The following GLI2 variants were observed in gnomAD, a reference collection of about 807,000 sequenced individuals.
GLI2 encodes the protein GLI family zinc finger 2, also known as transcription activator GLI2.
Under a neutral mutation model 78.9 loss-of-function variants are expected in GLI2, and 22 were observed. The ratio of observed to expected loss-of-function variants is 0.28; its 90% CI spans 0.20 to 0.40. GLI2 has a LOEUF of 0.40. Among genes scored for constraint, GLI2 ranks in the 10% least tolerant of loss-of-function variants. The pLI, the probability that GLI2 is intolerant of heterozygous loss-of-function variation, is 1.00. For missense variants in GLI2, 2,097 were observed against 2,213.2 expected, an observed-to-expected ratio of 0.95 and a Z score of 1.05; for synonymous variants, 974 against 963.7, an observed-to-expected ratio of 1.01 and a Z score of -0.20.
chr2:120,947,408 T>C (rs888553259), intron 3 of GLI2, among the ~76,000 whole-genome samples: 11 of 152,216 alleles, frequency 7.2e-5, no homozygotes, highest in African/African-American at 2.7e-4. Context: ...GCCCCACCGA[T>C]GGCTGGCACA....
At chr2:120,939,079 C>T (rs1408590467) in intron 3 of GLI2, among the ~76,000 whole-genome samples, 1 of 152,126 alleles carries the variant, frequency 6.6e-6, no homozygotes, top group Admixed American at 6.5e-5. Context: ...GTCGGAAGTT[C>T]GAGACCAGCC....
intron 2 of GLI2, among the ~76,000 whole-genome samples, chr2:120,823,988 G>T (rs1042656429): frequency 6.6e-6 from 1 of 152,198 alleles, no homozygotes; most frequent in Non-Finnish European, 1.5e-5. Flanking sequence ...CATAAAGGCA[G>T]TTCATTAATT....
intron 2 of GLI2, among the ~76,000 whole-genome samples, chr2:120,920,051 C>T (rs569347938): frequency 5.3e-5 from 8 of 152,356 alleles, no homozygotes; most frequent in Non-Finnish European, 1.0e-4. Flanking sequence ...TGGTCCAGGC[C>T]GGCCTGGTGC....
At chr2:120,933,871 G>GCCCTGCCCTGC (rs1379876689) in intron 3 of GLI2, among the ~76,000 whole-genome samples, 2 of 148,486 alleles carry the variant, frequency 1.3e-5, no homozygotes, top group Non-Finnish European at 3.0e-5. Flanking sequence ...GCCCTGCCCT[G>GCCCTGCCCTGC]CCCTGCCCTG....
At chr2:120,943,204 C>A (rs1001158613) in intron 3 of GLI2, among the ~76,000 whole-genome samples, 4 of 152,182 alleles carry the variant, frequency 2.6e-5, no homozygotes, top group African/African-American at 9.6e-5. Flanking sequence ...GGATCCTGAC[C>A]TTGACCTGGG....
chr2:120,821,998 C>T (rs775664847), intron 2 of GLI2, among the ~76,000 whole-genome samples: 1 of 152,228 alleles, frequency 6.6e-6, no homozygotes. Flanking sequence ...GTCAACTGGC[C>T]TTTGCTGTGT....
rs908599831 is a variant in GLI2, at chr2:120,988,592, A to T, written c.2627A>T (p.Tyr876Phe). The part of the protein sequence containing the change: ...PAQQYSLRAK[Y>F]AAATGGPPPT... ...CAGCAGTACAGCCTGCGGGCCAAGT[A>T]CGCGGCAGCCACTGGCGGCCCCCCG... Residue 876 changes from tyrosine to phenylalanine, a missense_variant, in exon 14 of 14, where the codon TAC becomes TTC. Tyr to Phe is a conservative substitution (Grantham distance 22). This residue lies in a region of GLI2 where 1,290 missense variants were observed against 1,261.7 expected (regional missense o/e 1.02). Coordinates refer to ENST00000361492, the MANE Select transcript of GLI2 (RefSeq NM_001374353.1). 1.1e-5 allele frequency: 16 copies of T among 1,486,686 alleles called. No homozygotes were observed. In the African/African-American group the frequency reaches 1.5e-4, roughly 14 times the overall value. The allele number at this position is 1,486,686 out of a possible 1,614,324, so 92.1% of individuals were successfully genotyped here. A position where few individuals can be genotyped will look rare whatever the true frequency, so the allele number is the denominator to read the frequency against.
chr2:120,807,326 G>T (rs73949908), intron 2 of GLI2, among the ~76,000 whole-genome samples: 1 of 152,094 alleles, frequency 6.6e-6, no homozygotes, highest in African/African-American at 2.4e-5. Context: ...GCCAAAATGC[G>T]TATCTTTGGA....
At position 120,989,541 on chromosome 2, in the gene GLI2, C is replaced by T. The variant is rs757358215; in HGVS notation, c.3576C>T (p.Ser1192=). 21 of 1,612,364 alleles carry T rather than the reference C, an allele frequency of 1.3e-5. No individual in the cohort carries two copies. The highest frequency in any genetic ancestry group is 1.6e-4 in the Middle Eastern group (1 of 6,082). Residue 1192 remains serine (S), a synonymous_variant, in exon 14 of 14, where the codon AGC becomes AGT. Transcript: ENST00000361492. ...DSTQPHLQPR[S]GAPSQGIPRV... ...CGCAGCCACACCTGCAGCCCCGCAG[C>T]GGAGCCCCCTCCCAGGGCATCCCCA... is the stretch of plus-strand genomic sequence containing the variant.
chr2:120,960,048 C>T (rs1003892510), intron 5 of GLI2, among the ~76,000 whole-genome samples: 5 of 152,178 alleles, frequency 3.3e-5, no homozygotes, highest in African/African-American at 1.2e-4. Flanking sequence ...CTTTCTCTGT[C>T]GTTGTGTCTC....
At chr2:120,949,077 G>A (rs962952747) in intron 3 of GLI2, among the ~76,000 whole-genome samples, 8 of 152,144 alleles carry the variant, frequency 5.3e-5, no homozygotes, top group South Asian at 2.1e-4. Context: ...CACCCATCCC[G>A]TGGCAGGATG....
intron 1 of GLI2, among the ~76,000 whole-genome samples, chr2:120,772,775 C>T (rs11677381): frequency 0.066 from 10,051 of 152,286 alleles, 423 homozygotes; most frequent in Admixed American, 0.12. Flanking sequence ...AGCCATTGAC[C>T]GTGGCATTCT....
intron 2 of GLI2, among the ~76,000 whole-genome samples, chr2:120,843,225 T>C (rs1185773999): frequency 6.6e-6 from 1 of 152,300 alleles, no homozygotes; most frequent in East Asian, 1.9e-4. Flanking sequence ...GATGCTCCCA[T>C]TTAGTCCTCC....
chr2:120,903,465 G>A (rs1678364494), intron 2 of GLI2, among the ~76,000 whole-genome samples: 1 of 152,182 alleles, frequency 6.6e-6, no homozygotes, highest in Admixed American at 6.5e-5. Context: ...AGGCAGGCCT[G>A]GGCCTCACTG....
chr2:120,976,290 C>T (rs1037096607), intron 9 of GLI2, among the ~76,000 whole-genome samples: 5 of 152,146 alleles, frequency 3.3e-5, no homozygotes, highest in Admixed American at 2.0e-4. Flanking sequence ...TAGGACACGC[C>T]GACTCCCTCT....
chr2:120,989,455 G>A lies in GLI2; in HGVS notation c.3490G>A (p.Gly1164Ser). Residue 1164 changes from glycine (G) to serine (S), a missense_variant, in exon 14 of 14, where the codon GGC becomes AGC. This residue lies in a region of GLI2 where 1,290 missense variants were observed against 1,261.7 expected (regional missense o/e 1.02). Coordinates refer to ENST00000361492, the MANE Select transcript of GLI2 (RefSeq NM_001374353.1). The part of the protein sequence containing the change: ...LAVVQQKPAF[G>S]QYPGYSPQGL... ...GGTGGTGCAGCAGAAGCCTGCCTTT[G>A]GCCAGTACCCGGGCTACAGTCCGCA... 1 of 1,613,092 alleles carries A rather than the reference G, an allele frequency of 6.2e-7. No individual in the cohort carries two copies. The highest frequency in any genetic ancestry group is 1.1e-5 in the South Asian group (1 of 91,082).
Position 120,989,850 on chromosome 2 carries a change from G to A in GLI2, c.3885G>A (p.Val1295=). 6.2e-7 allele frequency: 1 copy of A among 1,612,832 alleles called. No homozygotes were observed. Among genetic ancestry groups the A allele is most frequent in the Non-Finnish European group, 8.5e-7 (1 of 1,179,744 alleles). Residue 1295 remains valine, a synonymous_variant, in exon 14 of 14, where the codon GTG becomes GTA. Transcript: ENST00000361492. ...LGVPDSALAG[V]PPPHPVQSYP... ...TCCCCGATTCAGCCCTGGCTGGAGT[G>A]CCACCACCTCACCCAGTCCAGAGCT...
rs1298779974 is a variant in GLI2 at position 120,989,037 on chromosome 2, G to C, written c.3072G>C (p.Ala1024=). The C allele has an allele frequency of 6.2e-7, 1 of 1,606,070 alleles. No individual in the cohort carries two copies. The highest frequency in any genetic ancestry group is 1.7e-5 in the Admixed American group (1 of 59,902). ...ISENVAMEAV[A]AGVDGAGPEA... The stretch of plus-strand genomic sequence containing the variant: ...AGAACGTGGCGATGGAGGCCGTGGC[G>C]GCAGGAGTGGACGGCGCGGGGCCCG... The change falls in exon 14 of 14, where the codon GCG becomes GCC. Residue 1024 remains alanine, a synonymous_variant. Coordinates refer to ENST00000361492, the MANE Select transcript of GLI2 (RefSeq NM_001374353.1).
intron 2 of GLI2, among the ~76,000 whole-genome samples, chr2:120,841,848 G>GGGGTGTGTGTGTGT (rs1553455507): frequency 3.8e-5 from 5 of 132,632 alleles, no homozygotes; most frequent in Non-Finnish European, 6.5e-5. Flanking sequence ...CAGTCTGGAG[G>GGGGTGTGTGTGTGT]GTGTGTGTGT....
Sources: gnomAD v4.1 joint callset for allele counts (sites outside exome capture counted in the v4.1 genomes callset) on GRCh38, gnomAD v4.1.1 for gene constraint, gnomAD v4.1.1 regional missense constraint, MANE v1.5 for transcripts, NCBI Gene and HGNC (gene_info 2026-07-23, HGNC 2026-07-21) for gene names.